The following NFASC variants were observed in gnomAD, a reference collection of about 807,000 sequenced individuals.
The protein encoded by NFASC is neurofascin, also known as neurofascin homolog.
Under a neutral mutation model 147.5 loss-of-function variants are expected in NFASC, and 43 were observed. The observed-to-expected ratio is 0.29, with a 90% CI of 0.23 to 0.38. The LOEUF (loss-of-function observed/expected upper bound fraction) is 0.38. NFASC is among the 10% of genes least tolerant of loss of function. The pLI is 1.00. For synonymous variants in NFASC, 622 were observed against 665.5 expected (o/e 0.93, Z 1.01); for missense variants, 1,320 against 1,689.0 (o/e 0.78, Z 3.83).
chr1:204,961,126 G>T (rs1336002220), intron 8 of NFASC, among the ~76,000 whole-genome samples: 1 of 152,160 alleles, frequency 6.6e-6, no homozygotes, highest in East Asian at 1.9e-4. Flanking sequence ...GAACCCAGTT[G>T]CTGGAAGGGA....
intron 1 of NFASC, among the ~76,000 whole-genome samples, chr1:204,837,874 CTG>C (rs1412672402): frequency 1.3e-5 from 2 of 152,186 alleles, no homozygotes; most frequent in East Asian, 3.9e-4. Flanking sequence ...TGTGGAAAGA[CTG>C]TGTGTCCACG....
intron 1 of NFASC, among the ~76,000 whole-genome samples, chr1:204,852,955 C>G (rs1572052808): frequency 6.6e-6 from 1 of 152,300 alleles, no homozygotes; most frequent in Non-Finnish European, 1.5e-5. Context: ...GACTTGAATT[C>G]AAGACACACC....
chr1:204,968,442 A>G lies in NFASC; in HGVS notation c.818+82A>G. 2 of 1,017,788 alleles carry G rather than the reference A, an allele frequency of 2.0e-6. No individual in the cohort carries two copies. Among genetic ancestry groups the G allele is most frequent in the Non-Finnish European group, 3.1e-6 (2 of 650,382 alleles). 63.0% of individuals were successfully genotyped at this position (1,017,788 alleles called of 1,614,324 possible). On this transcript the variant is annotated intron_variant, in intron 9 of 29. Coordinates refer to ENST00000339876, the MANE Select transcript of NFASC (RefSeq NM_001005388.3). The surrounding 1 kb of genome is among the most constrained non-coding windows in gnomAD (Gnocchi z 5.4). ...GCTTGTTCATGCTCTTGTTAATGCC[A>G]CATTTAGTGCATACCAGTAGCACAG...
At chr1:204,844,704 G>A (rs976870458) in intron 1 of NFASC, among the ~76,000 whole-genome samples, 4 of 152,134 alleles carry the variant, frequency 2.6e-5, no homozygotes, top group African/African-American at 7.2e-5. Flanking sequence ...AGAGAGACAC[G>A]AATGGTGGCT....
chr1:204,920,739 A>G lies in NFASC; in HGVS notation c.-92A>G. The G allele has an allele frequency of 7.8e-7, 1 of 1,281,182 alleles. No individual in the cohort carries two copies. Among genetic ancestry groups the G allele is most frequent in the Non-Finnish European group, 1.0e-6 (1 of 981,124 alleles). The allele number at this position is 1,281,182 out of a possible 1,614,324, so 79.4% of individuals were successfully genotyped here. On this transcript the variant is annotated splice_region_variant and 5_prime_UTR_variant, in exon 2 of 30. Transcript: ENST00000339876. ...AGGAAGAGGCTGAATGAGGCAGAGA[A>G]GGTAAGCAGGACTTGGGCCTGGGGT...
chr1:204,961,150 G>A (rs2094644206), intron 8 of NFASC, among the ~76,000 whole-genome samples: 1 of 152,138 alleles, frequency 6.6e-6, no homozygotes, highest in Non-Finnish European at 1.5e-5. Flanking sequence ...GAGGTAGAGA[G>A]GGAAAAGCTC....
intron 1 of NFASC, among the ~76,000 whole-genome samples, chr1:204,867,113 A>G (rs546112332): frequency 1.3e-5 from 2 of 152,306 alleles, no homozygotes; most frequent in African/African-American, 2.4e-5. Context: ...GAATGCTGAC[A>G]AGGGGGGACC....
chr1:204,990,824 C>T (rs2095714639), intron 23 of NFASC, among the ~76,000 whole-genome samples: 1 of 152,200 alleles, frequency 6.6e-6, no homozygotes, highest in South Asian at 2.1e-4. Context: ...ATCCTTTTGA[C>T]TGGAGTTGGT....
At chr1:204,880,057 A>C (rs889482413) in intron 1 of NFASC, among the ~76,000 whole-genome samples, 1 of 152,204 alleles carries the variant, frequency 6.6e-6, no homozygotes, top group African/African-American at 2.4e-5. Flanking sequence ...CTAGAGCCAG[A>C]ACATTGACTC....
chr1:204,998,910 G>A (rs1434488953), intron 25 of NFASC: 2 of 152,212 alleles, frequency 1.3e-5, no homozygotes, highest in Non-Finnish European at 2.9e-5. Flanking sequence ...TCTGTGAGAC[G>A]CTGCAGAGGA....
intron 1 of NFASC, among the ~76,000 whole-genome samples, chr1:204,902,950 G>T (rs1324451524): frequency 1.3e-5 from 2 of 152,200 alleles, no homozygotes; most frequent in Non-Finnish European, 2.9e-5. Flanking sequence ...AGCGGCACAT[G>T]CAGGCACAGA....
chr1:204,960,050 G>C (rs1006809379), intron 8 of NFASC, among the ~76,000 whole-genome samples: 1 of 152,186 alleles, frequency 6.6e-6, no homozygotes, highest in African/African-American at 2.4e-5. Flanking sequence ...GGGCACACTT[G>C]CTTAAAATAG....
chr1:204,849,372 G>A (rs573622061), intron 1 of NFASC, among the ~76,000 whole-genome samples: 2 of 152,172 alleles, frequency 1.3e-5, no homozygotes, highest in East Asian at 1.9e-4. Flanking sequence ...TTCAAGAGAC[G>A]TTAAAAACAG....
intron 3 of NFASC, among the ~76,000 whole-genome samples, chr1:204,949,375 G>A (rs2093971329): frequency 6.6e-6 from 1 of 152,186 alleles, no homozygotes; most frequent in African/African-American, 2.4e-5. Context: ...CAAGTAGGAA[G>A]GCTTCAAAGT....
intron 23 of NFASC, 42 bp from the exon 24 acceptor site, chr1:204,991,250 T>C: frequency 6.2e-7 from 1 of 1,608,714 alleles, no homozygotes; most frequent in Non-Finnish European, 8.5e-7. Context: ...TTTTCCATCC[T>C]TTCTCCCTCT....
At chr1:204,838,599 C>T (rs560325073) in intron 1 of NFASC, among the ~76,000 whole-genome samples, 21 of 152,220 alleles carry the variant, frequency 1.4e-4, no homozygotes, top group East Asian at 1.4e-3. Flanking sequence ...GAGCCTGGAA[C>T]GGGAAAGCGA....
At chr1:204,906,975 A>C (rs2086143344) in intron 1 of NFASC, among the ~76,000 whole-genome samples, 1 of 152,198 alleles carries the variant, frequency 6.6e-6, no homozygotes, top group Admixed American at 6.5e-5. Flanking sequence ...TCTGGAGTAC[A>C]TACCAGAAGT....
chr1:204,975,526 G>A lies in NFASC; in HGVS notation c.1706+108G>A. 7.0e-7 allele frequency: 1 copy of A among 1,422,366 alleles called. No individual in the cohort carries two copies. Among genetic ancestry groups the A allele is most frequent in the South Asian group, 1.3e-5 (1 of 77,008 alleles). 88.1% of individuals were successfully genotyped at this position (1,422,366 alleles called of 1,614,324 possible). ...CACAGGGACAGGGAACCCGTGTCAT[G>A]CATGTCACCAAGGAGCTTCTGCAGA... On this transcript the variant is annotated intron_variant, in intron 15 of 29. Transcript: ENST00000339876. This position sits in a 1 kb window ranked among gnomAD's most constrained non-coding sequence, Gnocchi z 4.0.
chr1:204,946,253 T>C, intron 3 of NFASC: 4 of 477,174 alleles, frequency 8.4e-6, no homozygotes, highest in South Asian at 4.5e-5. Context: ...ATCGCAGGTG[T>C]CATGCACCAG....
Sources: gnomAD v4.1 joint callset for allele counts (sites outside exome capture counted in the v4.1 genomes callset) on GRCh38, gnomAD v4.1.1 for gene constraint, Gnocchi (gnomAD v3.1) non-coding constraint, MANE v1.5 for transcripts, NCBI Gene and HGNC (gene_info 2026-07-23, HGNC 2026-07-21) for gene names.